ZCCHC14: variants seen among roughly 807,000 people sequenced by gnomAD.
ZCCHC14 encodes zinc finger CCHC-type containing 14, also known as zinc finger CCHC domain-containing protein 14.
A neutral mutation model predicts 85.0 loss-of-function variants in ZCCHC14; 16 were observed. The ratio of observed to expected loss-of-function variants is 0.19; its 90% CI spans 0.13 to 0.29. The LOEUF (loss-of-function observed/expected upper bound fraction) is 0.29, where lower values mean the gene tolerates loss of function less well. Among genes scored for constraint, ZCCHC14 ranks in the 10% least tolerant of loss-of-function variants. ZCCHC14 has a pLI of 1.00. For missense variants in ZCCHC14, 1,303 were observed against 1,443.5 expected (o/e 0.90, Z 1.58); for synonymous variants, 775 against 630.7 (o/e 1.23, Z -3.43).
intron 2 of ZCCHC14, among the ~76,000 whole-genome samples, chr16:87,457,505 G>T (rs1353043370): frequency 6.6e-6 from 1 of 152,110 alleles, no homozygotes; most frequent in Non-Finnish European, 1.5e-5. Context: ...CTGTTATGAA[G>T]ATGATGTAAG....
At chr16:87,479,562 AAAAG>A (rs1320601994) in intron 1 of ZCCHC14, among the ~76,000 whole-genome samples, 3 of 152,244 alleles carry the variant, frequency 2.0e-5, no homozygotes, top group Admixed American at 6.5e-5. Context: ...TTGAAAGTAT[AAAAG>A]AAATACAAAT....
chr16:87,461,807 G>A (rs983212548), intron 1 of ZCCHC14, among the ~76,000 whole-genome samples: 1 of 152,224 alleles, frequency 6.6e-6, no homozygotes, highest in African/African-American at 2.4e-5. Flanking sequence ...CAAGTCCATA[G>A]CGAGATCCTC....
chr16:87,424,285 G>A (rs903202435), intron 3 of ZCCHC14, among the ~76,000 whole-genome samples: 6 of 152,158 alleles, frequency 3.9e-5, no homozygotes, highest in African/African-American at 7.2e-5. Flanking sequence ...TTCGACCACC[G>A]GTAAGGGCCC....
At chr16:87,478,677 G>A (rs1158085586) in intron 1 of ZCCHC14, among the ~76,000 whole-genome samples, 3 of 151,826 alleles carry the variant, frequency 2.0e-5, no homozygotes, top group Non-Finnish European at 4.4e-5. Context: ...CGCCATCTTG[G>A]CTCACTGCAA....
At chr16:87,461,594 A>G (rs1190618168) in intron 1 of ZCCHC14, among the ~76,000 whole-genome samples, 1 of 152,184 alleles carries the variant, frequency 6.6e-6, no homozygotes, top group Non-Finnish European at 1.5e-5. Context: ...CAGTTGACCA[A>G]AACATCCCCT....
At chr16:87,476,255 A>G (rs1386688576) in intron 1 of ZCCHC14, among the ~76,000 whole-genome samples, 1 of 152,224 alleles carries the variant, frequency 6.6e-6, no homozygotes, top group African/African-American at 2.4e-5. Flanking sequence ...ATGGTAACAA[A>G]CTGGATCGGT....
intron 2 of ZCCHC14, among the ~76,000 whole-genome samples, chr16:87,445,393 T>C (rs922887702): frequency 1.3e-5 from 2 of 152,172 alleles, no homozygotes; most frequent in Non-Finnish European, 2.9e-5. Context: ...AAGACGCAGA[T>C]CTATTCCCTC....
chr16:87,454,891 G>A (rs917402035), intron 2 of ZCCHC14, among the ~76,000 whole-genome samples: 13 of 152,218 alleles, frequency 8.5e-5, no homozygotes, highest in Non-Finnish European at 1.6e-4. Context: ...TGAGGACGGG[G>A]CGGCCCCTGA....
At chr16:87,485,370 C>T (rs1912468552) in intron 1 of ZCCHC14, among the ~76,000 whole-genome samples, 1 of 152,156 alleles carries the variant, frequency 6.6e-6, no homozygotes, top group Non-Finnish European at 1.5e-5. Flanking sequence ...TTACCTTTGA[C>T]AGGAAATGTT....
intron 1 of ZCCHC14, among the ~76,000 whole-genome samples, chr16:87,480,038 G>GT (rs1912194570): frequency 6.6e-6 from 1 of 151,856 alleles, no homozygotes; most frequent in Admixed American, 6.6e-5. Context: ...GTCTCCCAAA[G>GT]TGCTGGGGTT....
At chr16:87,489,150 G>A (rs1463436554) in intron 1 of ZCCHC14, among the ~76,000 whole-genome samples, 1 of 152,224 alleles carries the variant, frequency 6.6e-6, no homozygotes, top group Non-Finnish European at 1.5e-5. Context: ...CCTTAGCTTT[G>A]AAGCAGCAAC....
chr16:87,418,909 T>G lies in ZCCHC14; in HGVS notation c.1046-8A>C, dbSNP rs370608400. 1.2e-5 allele frequency: 20 copies of G among 1,601,482 alleles called. No individual in the cohort carries two copies. The East Asian group carries it at 1.6e-4, about 13-fold the overall frequency. On this transcript the variant is annotated splice_polypyrimidine_tract_variant and splice_region_variant and intron_variant, in intron 6 of 12. Transcript: ENST00000671377. ...GGGAGGGATTGCCAGGACCTATAAA[T>G]TTAAAAATAAATACCATAAAAATTT... is the stretch of plus-strand genomic sequence containing the variant.
intron 1 of ZCCHC14, among the ~76,000 whole-genome samples, chr16:87,466,469 T>C (rs1345420100): frequency 6.6e-6 from 1 of 152,234 alleles, no homozygotes; most frequent in Non-Finnish European, 1.5e-5. Context: ...ACCTTTTCTT[T>C]GTGCCAGCGA....
At chr16:87,428,594 G>T (rs187154579) in intron 3 of ZCCHC14, among the ~76,000 whole-genome samples, 5 of 152,230 alleles carry the variant, frequency 3.3e-5, no homozygotes, top group African/African-American at 1.2e-4. Flanking sequence ...ACGATGAACT[G>T]CACGTATTTA....
chr16:87,480,669 G>T (rs1597453644), intron 1 of ZCCHC14, among the ~76,000 whole-genome samples: 1 of 152,198 alleles, frequency 6.6e-6, no homozygotes, highest in Middle Eastern at 3.2e-3. Flanking sequence ...ATGCTCCGCA[G>T]GTGAGCCCCT....
chr16:87,449,500 C>T (rs1206924868), intron 2 of ZCCHC14, among the ~76,000 whole-genome samples: 2 of 152,008 alleles, frequency 1.3e-5, no homozygotes, highest in Admixed American at 6.6e-5. Context: ...CGACAGACCC[C>T]GACCAATTCA....
intron 2 of ZCCHC14, among the ~76,000 whole-genome samples, chr16:87,457,945 G>T (rs980354906): frequency 6.6e-5 from 10 of 152,140 alleles, no homozygotes; most frequent in African/African-American, 2.4e-4. Flanking sequence ...GCACTGTGGG[G>T]TTTGAGAATG....
In ZCCHC14 at chr16:87,408,060, G is replaced by C. The variant is rs1312879623; in HGVS notation, c.*2220C>G. On this transcript the variant is annotated 3_prime_UTR_variant, in exon 13 of 13. Coordinates refer to ENST00000671377, the MANE Select transcript of ZCCHC14 (RefSeq NM_015144.3). Reference sequence around the variant, plus strand: ...CGCTGCTGGGAACACAGCCGTGACAGTGTCGGAACTCATCTACCTCAACGC... The same window carrying C: ...CGCTGCTGGGAACACAGCCGTGACACTGTCGGAACTCATCTACCTCAACGC... 2 of 152,684 alleles carry C rather than the reference G, an allele frequency of 1.3e-5. No individual in the cohort carries two copies. The highest frequency in any genetic ancestry group is 2.9e-5 in the Non-Finnish European group (2 of 68,054). The allele number at this position is 152,684 out of a possible 1,614,324, so 9.5% of individuals were successfully genotyped here.
chr16:87,431,373 T>C (rs1466892310), intron 3 of ZCCHC14, among the ~76,000 whole-genome samples: 1 of 145,076 alleles, frequency 6.9e-6, no homozygotes, highest in African/African-American at 2.6e-5. Flanking sequence ...CTCAGGAGGC[T>C]GAGGCAGGAA....
Sources: gnomAD v4.1 joint callset for allele counts (sites outside exome capture counted in the v4.1 genomes callset) on GRCh38, gnomAD v4.1.1 for gene constraint, MANE v1.5 for transcripts, NCBI Gene and HGNC (gene_info 2026-07-23, HGNC 2026-07-21) for gene names.